The following ERICH3 variants were observed in gnomAD, a reference collection of about 807,000 sequenced individuals.
ERICH3 encodes glutamate-rich protein 3.
In ERICH3, 126 loss-of-function variants were observed where a neutral mutation model predicts 131.1. The observed-to-expected ratio is 0.96, with a 90% CI of 0.83 to 1.11. ERICH3 has a LOEUF of 1.11. Ranked by LOEUF, ERICH3 falls within the 50% of genes most tolerant of loss-of-function variation. The pLI, the probability that ERICH3 is intolerant of heterozygous loss-of-function variation, is 0.00. For missense variants in ERICH3, 2,050 were observed against 1,810.7 expected (o/e 1.13, Z -2.40); for synonymous variants, 695 against 644.6 (o/e 1.08, Z -1.18).
intron 1 of ERICH3, among the ~76,000 whole-genome samples, chr1:74,664,801 G>A (rs886676902): frequency 4.6e-5 from 7 of 152,150 alleles, no homozygotes; most frequent in Non-Finnish European, 1.0e-4. Context: ...GGCACTGAGA[G>A]GTAGGAAGTA....
intron 1 of ERICH3, among the ~76,000 whole-genome samples, chr1:74,664,843 C>A (rs1240539468): frequency 6.6e-6 from 1 of 152,176 alleles, no homozygotes; most frequent in African/African-American, 2.4e-5. Flanking sequence ...AACAGTTCAA[C>A]ACTTACCTGT....
intron 10 of ERICH3, among the ~76,000 whole-genome samples, chr1:74,605,196 C>A (rs1273122792): frequency 6.6e-6 from 1 of 151,952 alleles, no homozygotes; most frequent in Non-Finnish European, 1.5e-5. Flanking sequence ...TACTTTTCTC[C>A]TGCACCTTCT....
At position 74,569,507 on chromosome 1, in the gene ERICH3, T is replaced by A. The variant is rs189125992; in HGVS notation, c.*951A>T. ...GTTGATTTATAATGAACTGCAAGGT[T>A]AGTTCACAGGTTTGAAATAACAGAA... On this transcript the variant is annotated 3_prime_UTR_variant, in exon 15 of 15. Transcript: ENST00000326665. 7.2e-5 allele frequency: 11 copies of A among 152,298 alleles called. No individual in the cohort carries two copies. The East Asian group carries it at 2.1e-3, about 29-fold the overall frequency. 9.4% of individuals were successfully genotyped at this position (152,298 alleles called of 1,614,324 possible).
At chr1:74,612,288 G>A (rs891435946) in intron 9 of ERICH3, among the ~76,000 whole-genome samples, 1 of 152,116 alleles carries the variant, frequency 6.6e-6, no homozygotes, top group African/African-American at 2.4e-5. Flanking sequence ...AGGAAAAACA[G>A]ACACACAAAC....
intron 4 of ERICH3, 43 bp downstream of exon 4, chr1:74,642,983 TA>T: frequency 7.2e-7 from 1 of 1,395,896 alleles, no homozygotes; most frequent in Non-Finnish European, 1.0e-6. Context: ...TTTAAAATCA[TA>T]AAATAATACT....
At chr1:74,634,771 G>A (rs1371947360) in intron 6 of ERICH3, 3 of 656,264 alleles carry the variant, frequency 4.6e-6, no homozygotes, top group South Asian at 1.8e-5. Context: ...TACTGCTGGA[G>A]GATACAGAGG....
At chr1:74,598,375 G>A (rs998492636) in intron 11 of ERICH3, among the ~76,000 whole-genome samples, 1 of 151,794 alleles carries the variant, frequency 6.6e-6, no homozygotes, top group South Asian at 2.1e-4. Context: ...ATGAAAATTT[G>A]GGGATATGTC....
intron 11 of ERICH3, among the ~76,000 whole-genome samples, chr1:74,597,094 C>T (rs941667266): frequency 1.3e-5 from 2 of 151,978 alleles, no homozygotes; most frequent in Non-Finnish European, 2.9e-5. Flanking sequence ...GTCACATATG[C>T]CTCTCACACT....
intron 1 of ERICH3, among the ~76,000 whole-genome samples, chr1:74,652,412 C>T (rs1323705596): frequency 6.6e-6 from 1 of 152,132 alleles, no homozygotes; most frequent in Non-Finnish European, 1.5e-5. Flanking sequence ...TTGATATGCG[C>T]TTGTAGCCCA....
chr1:74,568,916 A>C lies in ERICH3; in HGVS notation c.*1542T>G, dbSNP rs1428977051. 6.6e-6 allele frequency: 1 copy of C among 152,148 alleles called. No homozygotes were observed. Among genetic ancestry groups the C allele is most frequent in the African/African-American group, 2.4e-5 (1 of 41,444 alleles). 9.4% of individuals were successfully genotyped at this position (152,148 alleles called of 1,614,324 possible). On this transcript the variant is annotated 3_prime_UTR_variant, in exon 15 of 15. Coordinates refer to ENST00000326665, the MANE Select transcript of ERICH3 (RefSeq NM_001002912.5). ...TACTGGAACCCACCAAGAGTTTCTAATTTAGTAGGTAGGAGACAAAGGCTG... is the reference window on the plus strand; with the variant it reads ...TACTGGAACCCACCAAGAGTTTCTACTTTAGTAGGTAGGAGACAAAGGCTG...
chr1:74,572,733 G>T lies in ERICH3; in HGVS notation c.2977C>A (p.Arg993Ser), dbSNP rs1479259262. The change falls in exon 14 of 15, where the codon CGC becomes AGC. Residue 993 changes from arginine to serine, a missense_variant. Coordinates refer to ENST00000326665, the MANE Select transcript of ERICH3 (RefSeq NM_001002912.5). ...GCCTCTCCTGTGAAGGGGCTCAAGCGTGTTTCTGTTCTCATAACCTCTTTT... is the reference window on the plus strand; with the variant it reads ...GCCTCTCCTGTGAAGGGGCTCAAGCTTGTTTCTGTTCTCATAACCTCTTTT... The part of the protein sequence containing the change: ...ERKEVMRTET[R>S]LSPFTGEAEA... 1 of 1,613,646 alleles carries T rather than the reference G, an allele frequency of 6.2e-7. No homozygotes were observed. Among genetic ancestry groups the T allele is most frequent in the South Asian group, 1.1e-5 (1 of 91,060 alleles).
intron 11 of ERICH3, among the ~76,000 whole-genome samples, chr1:74,593,433 G>T (rs1036772783): frequency 1.3e-5 from 2 of 151,920 alleles, no homozygotes; most frequent in African/African-American, 4.8e-5. Flanking sequence ...TTTCTTTAAG[G>T]CTCTGTTTTC....
chr1:74,581,756 T>C (rs1387652917), intron 12 of ERICH3, among the ~76,000 whole-genome samples: 1 of 152,200 alleles, frequency 6.6e-6, no homozygotes, highest in Non-Finnish European at 1.5e-5. Flanking sequence ...TTTATATTTA[T>C]ATACAAATGA....
chr1:74,618,914 A>C (rs1453702985), intron 8 of ERICH3, among the ~76,000 whole-genome samples: 1 of 152,218 alleles, frequency 6.6e-6, no homozygotes. Flanking sequence ...TTCACATTTT[A>C]CTGAATCATG....
chr1:74,632,193 A>C (rs1646345832), intron 6 of ERICH3, among the ~76,000 whole-genome samples: 1 of 152,136 alleles, frequency 6.6e-6, no homozygotes, highest in South Asian at 2.1e-4. Flanking sequence ...TTTCTTCAAC[A>C]ATCCATTAAA....
At chr1:74,653,635 G>A (rs1350083748) in intron 1 of ERICH3, among the ~76,000 whole-genome samples, 1 of 152,048 alleles carries the variant, frequency 6.6e-6, no homozygotes, top group Non-Finnish European at 1.5e-5. Context: ...CATGTAATAT[G>A]AACAATATCT....
intron 1 of ERICH3, 120 bp from the exon 2 acceptor site, chr1:74,649,435 CAT>C: frequency 1.6e-6 from 1 of 643,144 alleles, no homozygotes; most frequent in Non-Finnish European, 2.7e-6. Flanking sequence ...GCCAGTCATT[CAT>C]ATATGTGTTT....
At chr1:74,662,768 T>C (rs143751624) in intron 1 of ERICH3, among the ~76,000 whole-genome samples, 2 of 152,236 alleles carry the variant, frequency 1.3e-5, no homozygotes, top group East Asian at 3.9e-4. Context: ...AATGCTGCTG[T>C]CTCCTCTCAC....
At chr1:74,600,177 T>A (rs1189450988) in intron 10 of ERICH3, among the ~76,000 whole-genome samples, 1 of 151,710 alleles carries the variant, frequency 6.6e-6, no homozygotes, top group African/African-American at 2.4e-5. Flanking sequence ...CTAATAAAAG[T>A]TCATTTACAA....
Sources: gnomAD v4.1 joint callset for allele counts (sites outside exome capture counted in the v4.1 genomes callset) on GRCh38, gnomAD v4.1.1 for gene constraint, MANE v1.5 for transcripts, NCBI Gene and HGNC (gene_info 2026-07-23, HGNC 2026-07-21) for gene names.